CHRM5: variants seen among roughly 807,000 people sequenced by gnomAD.
CHRM5 encodes the protein cholinergic receptor muscarinic 5.
In CHRM5, 18 loss-of-function variants were observed where a neutral mutation model predicts 39.0. The ratio of observed to expected loss-of-function variants is 0.46; its 90% CI spans 0.32 to 0.68. The LOEUF (loss-of-function observed/expected upper bound fraction) is 0.68. Among genes scored for constraint, CHRM5 ranks in the 30% least tolerant of loss-of-function variants. The pLI is 0.04. For synonymous variants in CHRM5, 241 were observed against 246.3 expected (o/e 0.98, Z 0.20); for missense variants, 515 against 651.1 (o/e 0.79, Z 2.28).
chr15:34,034,213 C>A (rs1248175565), intron 1 of CHRM5, among the ~76,000 whole-genome samples: 1 of 152,082 alleles, frequency 6.6e-6, no homozygotes, highest in Admixed American at 6.5e-5. Context: ...GTGGCTGAGG[C>A]GGGAGGACTG....
At chr15:34,013,069 G>GT (rs1226617652) in intron 1 of CHRM5, among the ~76,000 whole-genome samples, 115 of 145,104 alleles carry the variant, frequency 7.9e-4, no homozygotes, top group African/African-American at 1.4e-3. Flanking sequence ...TTGTTTGTTT[G>GT]TTTGTTTTTT....
chr15:34,003,268 T>C, intron 1 of CHRM5: 1 of 1,524,672 alleles, frequency 6.6e-7, no homozygotes, highest in South Asian at 1.2e-5. Flanking sequence ...CTTAGTAGAC[T>C]TCCCAGTAAA....
intron 2 of CHRM5, among the ~76,000 whole-genome samples, chr15:34,060,819 G>A (rs571670383): frequency 2.2e-4 from 33 of 152,192 alleles, no homozygotes; most frequent in Admixed American, 8.5e-4. Context: ...GCAGTGAGCC[G>A]AGATGGTGCC....
rs1895499648 is a variant in CHRM5 at position 33,968,786 on chromosome 15, AC to A, written c.-771del. 1 of 152,136 alleles carries A rather than the reference AC, an allele frequency of 6.6e-6. No homozygotes were observed. The highest frequency in any genetic ancestry group is 2.4e-5 in the African/African-American group (1 of 41,456). 9.4% of individuals were successfully genotyped at this position (152,136 alleles called of 1,614,324 possible). A position where few individuals can be genotyped will look rare whatever the true frequency, so the allele number is the denominator to read the frequency against. On this transcript the variant is annotated 5_prime_UTR_variant, in exon 1 of 3. Transcript: ENST00000383263. ...TAATTCTGAAATACGAACAAGCAGA[AC>A]TTTTCCAGGGGGTCAAATGCATATA... is the stretch of plus-strand genomic sequence containing the variant.
Position 34,063,714 on chromosome 15 carries a change from C to T in CHRM5, c.997C>T (p.Pro333Ser). Residue 333 changes from proline (P) to serine (S), a missense_variant, in exon 3 of 3, where the codon CCA (proline) becomes TCA (serine). Physicochemically the swap from Pro to Ser is moderately conservative, Grantham distance 74 (BLOSUM62 -1). Coordinates refer to ENST00000383263, the MANE Select transcript of CHRM5 (RefSeq NM_012125.4). This position sits in a 1 kb window ranked among gnomAD's most constrained non-coding sequence, Gnocchi z 4.1. ...VVYKSQGKES[P>S]GEEFSAEETE... ...CTACAAGAGTCAGGGTAAGGAAAGC[C>T]CAGGGGAAGAATTCAGTGCTGAAGA... The T allele has an allele frequency of 6.2e-7, 1 of 1,614,114 alleles. No homozygotes were observed. Among genetic ancestry groups the T allele is most frequent in the Non-Finnish European group, 8.5e-7 (1 of 1,180,020 alleles).
rs1469145404 is a variant in CHRM5, at chr15:34,046,524, C to G, written c.-407-16C>G. ...ATTTAACAGCCCCTTTGTGAACGAT[C>G]ATTCCCCTTTTCTAGGAACCTAGGA... On this transcript the variant is annotated splice_polypyrimidine_tract_variant and intron_variant, in intron 1 of 2. Coordinates refer to ENST00000383263, the MANE Select transcript of CHRM5 (RefSeq NM_012125.4). 6.6e-6 allele frequency: 1 copy of G among 152,216 alleles called. No individual in the cohort carries two copies. Among genetic ancestry groups the G allele is most frequent in the African/African-American group, 2.4e-5 (1 of 41,456 alleles). The allele number at this position is 152,216 out of a possible 1,614,324, so 9.4% of individuals were successfully genotyped here. A position where few individuals can be genotyped will look rare whatever the true frequency, so the allele number is the denominator to read the frequency against.
chr15:34,020,976 T>G (rs558990404), intron 1 of CHRM5, among the ~76,000 whole-genome samples: 2 of 152,344 alleles, frequency 1.3e-5, no homozygotes, highest in African/African-American at 4.8e-5. Flanking sequence ...AATGAATCAC[T>G]GGGCCATGCA....
At position 34,008,092 on chromosome 15, in the gene CHRM5, A is replaced by G. The variant is rs189097966; in HGVS notation, c.-407-38448A>G. On this transcript the variant is annotated intron_variant, in intron 1 of 2. Coordinates refer to ENST00000383263, the MANE Select transcript of CHRM5 (RefSeq NM_012125.4). ...TAAACCTATCAAAATTCTTGGAAGA[A>G]AAAATCACCTATCACAGGAGAAAAA... is the stretch of plus-strand genomic sequence containing the variant. Among the ~76,000 whole-genome samples the G allele has an allele frequency of 3.1e-4, 47 of 152,252 alleles. No homozygotes were observed. In the East Asian group the frequency reaches 8.7e-3, roughly 28 times the overall value.
At chr15:34,001,820 T>G (rs142308681) in intron 1 of CHRM5, among the ~76,000 whole-genome samples, 1 of 152,196 alleles carries the variant, frequency 6.6e-6, no homozygotes, top group African/African-American at 2.4e-5. Flanking sequence ...TTGTTCTTAG[T>G]CTGGTGCCAG....
At chr15:34,009,152 C>T (rs1171269882) in intron 1 of CHRM5, among the ~76,000 whole-genome samples, 1 of 152,010 alleles carries the variant, frequency 6.6e-6, no homozygotes, top group Non-Finnish European at 1.5e-5. Context: ...AAGAATCCTA[C>T]ATACAAAAAA....
chr15:33,994,948 A>C (rs1896873555), intron 1 of CHRM5, among the ~76,000 whole-genome samples: 1 of 152,194 alleles, frequency 6.6e-6, no homozygotes, highest in Non-Finnish European at 1.5e-5. Flanking sequence ...ATAGATCAAA[A>C]ATATTTTTTA....
intron 2 of CHRM5, among the ~76,000 whole-genome samples, chr15:34,059,934 A>G (rs1900281549): frequency 6.6e-6 from 1 of 152,214 alleles, no homozygotes; most frequent in Non-Finnish European, 1.5e-5. Flanking sequence ...TATCGCCAGC[A>G]TTAGAGTCTG....
intron 1 of CHRM5, among the ~76,000 whole-genome samples, chr15:33,992,691 A>C (rs910899511): frequency 1.3e-5 from 2 of 152,206 alleles, no homozygotes; most frequent in African/African-American, 4.8e-5. Flanking sequence ...TGAATCAATG[A>C]GGACAAATAA....
chr15:33,991,071 T>C (rs1399025469), intron 1 of CHRM5: 3 of 152,156 alleles, frequency 2.0e-5, no homozygotes, highest in African/African-American at 7.2e-5. Flanking sequence ...TGGATGCAAC[T>C]CCTGATGACA....
In CHRM5 at chr15:34,066,382, T is replaced by C. The variant is rs574586020; in HGVS notation, c.*2066T>C. 3.1e-4 allele frequency: 48 copies of C among 152,382 alleles called. No homozygotes were observed. Among genetic ancestry groups the C allele is most frequent in the African/African-American group, 7.5e-4 (31 of 41,590 alleles). The allele number at this position is 152,382 out of a possible 1,614,324, so 9.4% of individuals were successfully genotyped here. A position where few individuals can be genotyped will look rare whatever the true frequency, so the allele number is the denominator to read the frequency against. ...CATGTTGGGCATTCACCATTCGCAG[T>C]TGAGAGTGAAACAAGCTAATTTAAA... On this transcript the variant is annotated 3_prime_UTR_variant, in exon 3 of 3. Coordinates refer to ENST00000383263, the MANE Select transcript of CHRM5 (RefSeq NM_012125.4).
At chr15:34,021,206 G>T (rs1898185190) in intron 1 of CHRM5, among the ~76,000 whole-genome samples, 1 of 151,646 alleles carries the variant, frequency 6.6e-6, no homozygotes, top group African/African-American at 2.4e-5. Flanking sequence ...TTTTTTTGGA[G>T]ATGGAGTTTT....
Position 34,063,921 on chromosome 15 carries a change from A to G in CHRM5, c.1204A>G (p.Ile402Val). ...CAACAATGGCTGTCACAAGGTGAAA[A>G]TCATGCCCTGCCCCTTCCCAGTGGC... Reference protein sequence around the residue: ...ETNNGCHKVKIMPCPFPVAKE... With the variant: ...ETNNGCHKVKVMPCPFPVAKE... Residue 402 changes from isoleucine (I) to valine (V), a missense_variant, in exon 3 of 3, where the codon ATC becomes GTC. Transcript: ENST00000383263. This position sits in a 1 kb window ranked among gnomAD's most constrained non-coding sequence, Gnocchi z 4.1. 1 of 1,614,176 alleles carries G rather than the reference A, an allele frequency of 6.2e-7. No homozygotes were observed. Among genetic ancestry groups the G allele is most frequent in the Non-Finnish European group, 8.5e-7 (1 of 1,180,042 alleles).
At chr15:33,994,677 T>G (rs1208031795) in intron 1 of CHRM5, among the ~76,000 whole-genome samples, 1 of 152,150 alleles carries the variant, frequency 6.6e-6, no homozygotes, top group African/African-American at 2.4e-5. Context: ...ATACATACAG[T>G]GTGTGTGAAA....
chr15:34,062,614 C>T (rs1416632384), intron 2 of CHRM5, 29 bp from the exon 3 acceptor site: 9 of 986,802 alleles, frequency 9.1e-6, no homozygotes, highest in African/African-American at 3.3e-5. Flanking sequence ...TGCTGGTGTG[C>T]GAAGCTAATG....
Sources: allele counts gnomAD v4.1 joint callset (sites outside exome capture counted in the v4.1 genomes callset), GRCh38; gene constraint gnomAD v4.1.1; non-coding constraint Gnocchi (gnomAD v3.1); transcripts MANE v1.5; gene names NCBI Gene and HGNC (gene_info 2026-07-23, HGNC 2026-07-21).